Variants in ARHGAP24 observed in about 807,000 individuals in gnomAD.
ARHGAP24 encodes the protein rho GTPase-activating protein 24.
A neutral mutation model predicts 76.4 loss-of-function variants in ARHGAP24; 50 were observed. The ratio of observed to expected loss-of-function variants is 0.65; its 90% confidence interval spans 0.52 to 0.83. ARHGAP24 has a LOEUF of 0.83. Among genes scored for constraint, ARHGAP24 ranks in the 40% least tolerant of loss-of-function variants. The pLI is 0.00. For missense variants in ARHGAP24, 930 were observed against 914.2 expected, an observed-to-expected ratio of 1.02 and a Z score of -0.22; for synonymous variants, 345 against 323.3, an observed-to-expected ratio of 1.07 and a Z score of -0.72.
intron 2 of ARHGAP24, among the ~76,000 whole-genome samples, chr4:85,600,441 G>A (rs1312567122): frequency 6.6e-6 from 1 of 152,182 alleles, no homozygotes; most frequent in Admixed American, 6.6e-5. Flanking sequence ...AAAGGAGCAG[G>A]AATACTAGTT....
At chr4:85,606,396 C>A (rs868463032) in intron 2 of ARHGAP24, among the ~76,000 whole-genome samples, 89 of 151,888 alleles carry the variant, frequency 5.9e-4, no homozygotes, top group African/African-American at 2.0e-3. Context: ...GCCTGTAGTC[C>A]CAGCTACTCG....
intron 1 of ARHGAP24, among the ~76,000 whole-genome samples, chr4:85,531,205 C>G (rs1010712673): frequency 1.3e-5 from 2 of 151,986 alleles, no homozygotes; most frequent in African/African-American, 4.8e-5. Context: ...AATGAAGATT[C>G]AACAACAGAA....
chr4:86,000,442 C>CGGGGGGGGGG, intron 9 of ARHGAP24, 37 bp from the exon 10 acceptor site: 2 of 807,890 alleles, frequency 2.5e-6, no homozygotes, highest in Non-Finnish European at 3.9e-6. Context: ...CTTACTCTTG[C>CGGGGGGGGGG]GTCCCCACCC....
In ARHGAP24 at chr4:85,492,846, G is replaced by C. The variant is rs765029341; in HGVS notation, c.-21+17287G>C. On this transcript the variant is annotated intron_variant, in intron 1 of 9. Coordinates refer to ENST00000395184, the MANE Select transcript of ARHGAP24 (RefSeq NM_001025616.3). ...ATAAAATACTATTAACTAATCTGTAGTTGTTATTCAAATTTCATCAGTTAT... is the reference window on the plus strand; with the variant it reads ...ATAAAATACTATTAACTAATCTGTACTTGTTATTCAAATTTCATCAGTTAT... Among the ~76,000 whole-genome samples, 3 of 152,236 alleles carry C rather than the reference G, an allele frequency of 2.0e-5. No homozygotes were observed. In the East Asian group the frequency reaches 5.8e-4, roughly 29 times the overall value.
rs4693738 is a variant in ARHGAP24 at position 85,788,249 on chromosome 4, A to T, written c.268+66277A>T. On this transcript the variant is annotated intron_variant, in intron 3 of 9. Transcript: ENST00000395184. ...GACATCAGATGATATAAAGAAAGTA[A>T]GTTAATCAAAATTAAGTTTCAGCCA... Among the ~76,000 whole-genome samples, 20 of 152,252 alleles carry T rather than the reference A, an allele frequency of 1.3e-4. No individual in the cohort carries two copies. In the South Asian group the frequency reaches 4.1e-3, roughly 32 times the overall value.
chr4:85,987,680 G>A (rs181103188), intron 8 of ARHGAP24, among the ~76,000 whole-genome samples: 4 of 152,006 alleles, frequency 2.6e-5, no homozygotes, highest in South Asian at 2.1e-4. Flanking sequence ...TATTACACTC[G>A]ATGAGATTAA....
intron 2 of ARHGAP24, among the ~76,000 whole-genome samples, chr4:85,626,285 G>A (rs928005716): frequency 2.0e-5 from 3 of 151,962 alleles, no homozygotes; most frequent in Admixed American, 6.6e-5. Flanking sequence ...AAATCTCTCA[G>A]CATTTGCTTG....
intron 1 of ARHGAP24, among the ~76,000 whole-genome samples, chr4:85,476,317 C>T (rs886374326): frequency 6.6e-6 from 1 of 151,962 alleles, no homozygotes; most frequent in Non-Finnish European, 1.5e-5. Flanking sequence ...CAGCATCAAC[C>T]AGTAATAGGG....
intron 3 of ARHGAP24, among the ~76,000 whole-genome samples, chr4:85,912,092 G>A (rs554650405): frequency 6.6e-6 from 1 of 152,248 alleles, no homozygotes; most frequent in East Asian, 1.9e-4. Context: ...ATATGTTGAA[G>A]GAAGAGTTTA....
At chr4:85,683,109 T>TGGGGGGGGGGGGG (rs1205882687) in intron 2 of ARHGAP24, among the ~76,000 whole-genome samples, 1 of 17,482 alleles carries the variant, frequency 5.7e-5, no homozygotes, top group African/African-American at 1.7e-4. Context: ...TCTCAGTGTG[T>TGGGGGGGGGGGGG]GGGGGGGTGG....
At chr4:85,690,443 T>C (rs1193385585) in intron 2 of ARHGAP24, among the ~76,000 whole-genome samples, 4 of 152,072 alleles carry the variant, frequency 2.6e-5, no homozygotes, top group Non-Finnish European at 5.9e-5. Flanking sequence ...GTCCAGGGCT[T>C]TTTGTGTATG....
At chr4:85,855,786 A>AG (rs1429538075) in intron 3 of ARHGAP24, among the ~76,000 whole-genome samples, 2 of 150,554 alleles carry the variant, frequency 1.3e-5, no homozygotes. Context: ...AAAAAAAAAA[A>AG]GAATCTGACA....
intron 3 of ARHGAP24, among the ~76,000 whole-genome samples, chr4:85,839,157 A>T (rs1205551498): frequency 6.6e-6 from 1 of 152,260 alleles, no homozygotes; most frequent in Non-Finnish European, 1.5e-5. Context: ...AATAAAACAG[A>T]GAAGACTCAG....
chr4:85,975,797 G>A (rs1342745458), intron 7 of ARHGAP24: 8 of 152,192 alleles, frequency 5.3e-5, no homozygotes, highest in Admixed American at 5.2e-4. Flanking sequence ...TGTGTTTGGT[G>A]TTATGATTAG....
intron 2 of ARHGAP24, among the ~76,000 whole-genome samples, chr4:85,649,240 C>T (rs1007944416): frequency 6.6e-6 from 1 of 152,040 alleles, no homozygotes; most frequent in African/African-American, 2.4e-5. Flanking sequence ...AGTTCAGTAG[C>T]GATTCTCTAT....
intron 2 of ARHGAP24, among the ~76,000 whole-genome samples, chr4:85,665,606 G>T (rs1249211454): frequency 6.6e-6 from 1 of 152,140 alleles, no homozygotes; most frequent in Non-Finnish European, 1.5e-5. Context: ...TTTCTTCCTA[G>T]CCTCGATGGT....
At chr4:85,702,422 G>A (rs987251595) in intron 2 of ARHGAP24, among the ~76,000 whole-genome samples, 3 of 152,040 alleles carry the variant, frequency 2.0e-5, no homozygotes, top group Non-Finnish European at 4.4e-5. Flanking sequence ...TAGCAGCATA[G>A]CAAACAAATA....
At chr4:85,736,674 G>A (rs555073873) in intron 3 of ARHGAP24, among the ~76,000 whole-genome samples, 11 of 152,272 alleles carry the variant, frequency 7.2e-5, no homozygotes, top group East Asian at 1.9e-4. Context: ...TGAAGCAATC[G>A]AGTACTTACA....
At chr4:85,528,526 T>C (rs1725116289) in intron 1 of ARHGAP24, among the ~76,000 whole-genome samples, 1 of 151,958 alleles carries the variant, frequency 6.6e-6, no homozygotes, top group African/African-American at 2.4e-5. Context: ...CAAGATGTAA[T>C]TCGGTTTTGA....
Sources: gnomAD v4.1 joint callset for allele counts (sites outside exome capture counted in the v4.1 genomes callset) on GRCh38, gnomAD v4.1.1 for gene constraint, MANE v1.5 for transcripts, NCBI Gene and HGNC (gene_info 2026-07-23, HGNC 2026-07-21) for gene names.